TRPM2: variants seen among roughly 807,000 people sequenced by gnomAD.
TRPM2 encodes transient receptor potential cation channel subfamily M member 2.
Under a neutral mutation model 174.0 loss-of-function variants are expected in TRPM2, and 161 were observed. The observed-to-expected ratio is 0.93, with a 90% CI of 0.81 to 1.05. The LOEUF (loss-of-function observed/expected upper bound fraction) is 1.05, where lower values mean the gene tolerates loss of function less well. Ranked by LOEUF, TRPM2 falls within the 50% of genes least tolerant of loss-of-function variation. The pLI is 0.00. For synonymous variants in TRPM2, 954 were observed against 861.3 expected (o/e 1.11, Z -1.88); for missense variants, 2,057 against 2,038.0 (o/e 1.01, Z -0.18).
In TRPM2 at chr21:44,435,161, G is replaced by A. The variant is rs747333153; in HGVS notation, c.4005G>A (p.Gly1335=). Residue 1335 remains glycine (G), a synonymous_variant, in exon 28 of 32, where the codon GGG becomes GGA. Transcript: ENST00000397928. ...LNPMGRTGLR[G]RGSLSCFGPN... is the part of the protein sequence containing the mutation. ...CCATGGGCCGCACAGGACTGCGTGG[G>A]CGCGGGAGCCTCAGCTGCTTCGGAC... is the stretch of plus-strand genomic sequence containing the variant. The A allele has an allele frequency of 6.2e-7, 1 of 1,613,462 alleles. No individual in the cohort carries two copies. Among genetic ancestry groups the A allele is most frequent in the African/African-American group, 1.3e-5 (1 of 75,006 alleles).
chr21:44,381,980 AG>A (rs2048893769), intron 8 of TRPM2, among the ~76,000 whole-genome samples: 1 of 133,408 alleles, frequency 7.5e-6, no homozygotes, highest in Non-Finnish European at 1.7e-5. Context: ...ATAGATAGAT[AG>A]ATAGATAGAT....
At chr21:44,424,109 G>A (rs1224704842) in intron 23 of TRPM2, among the ~76,000 whole-genome samples, 2 of 152,086 alleles carry the variant, frequency 1.3e-5, no homozygotes, top group African/African-American at 2.4e-5. Context: ...CTCAGGGTCT[G>A]CTCCCACCAC....
At chr21:44,375,679 G>A (rs2048675845) in intron 5 of TRPM2, among the ~76,000 whole-genome samples, 154 bp from the exon 6 acceptor site, 1 of 152,142 alleles carries the variant, frequency 6.6e-6, no homozygotes, top group Admixed American at 6.5e-5. Flanking sequence ...CTCATGTTTC[G>A]ATCACATGTG....
intron 16 of TRPM2, 68 bp downstream of exon 16, chr21:44,401,965 A>G: frequency 1.9e-6 from 3 of 1,571,486 alleles, no homozygotes; most frequent in Non-Finnish European, 2.6e-6. Flanking sequence ...CTCATAGGGG[A>G]CCCATGGCTT....
In TRPM2 at chr21:44,369,300, C is replaced by T. The variant is rs775426958; in HGVS notation, c.728C>T (p.Thr243Ile). Residue 243 changes from threonine to isoleucine, a missense_variant, in exon 5 of 32, where the codon ACC (threonine) becomes ATC (isoleucine). Thr to Ile is a moderately conservative substitution (Grantham distance 89). Coordinates refer to ENST00000397928, the MANE Select transcript of TRPM2 (RefSeq NM_003307.4). ...GAGCTCATCACCATCGGAGTCGCCA[C>T]CTGGGGCACTGTCCACCGCCGCGAG... is the stretch of plus-strand genomic sequence containing the variant. ...EGELITIGVA[T>I]WGTVHRREGL... The T allele has an allele frequency of 1.9e-6, 3 of 1,613,670 alleles. No homozygotes were observed. Among genetic ancestry groups the T allele is most frequent in the East Asian group, 4.5e-5 (2 of 44,884 alleles).
At chr21:44,388,872 G>C (rs1602192509) in intron 9 of TRPM2, among the ~76,000 whole-genome samples, 1 of 152,128 alleles carries the variant, frequency 6.6e-6, no homozygotes, top group East Asian at 1.9e-4. Context: ...AGTTAAGATG[G>C]TAAATTTTAT....
intron 7 of TRPM2, among the ~76,000 whole-genome samples, chr21:44,378,345 G>A (rs2048768567): frequency 6.6e-6 from 1 of 152,244 alleles, no homozygotes; most frequent in Non-Finnish European, 1.5e-5. Context: ...TCTGGAGCAA[G>A]AGTATGGGCT....
intron 8 of TRPM2, among the ~76,000 whole-genome samples, chr21:44,382,022 G>T (rs2048896559): frequency 6.6e-6 from 1 of 151,920 alleles, no homozygotes; most frequent in Admixed American, 6.6e-5. Context: ...GTGGGTGGGA[G>T]GTAGATAGAA....
At chr21:44,373,338 C>G (rs1041548822) in intron 5 of TRPM2, among the ~76,000 whole-genome samples, 1 of 152,130 alleles carries the variant, frequency 6.6e-6, no homozygotes, top group Admixed American at 6.5e-5. Flanking sequence ...AGGCACCCAC[C>G]ACCATGCCCA....
At chr21:44,398,139 C>G (rs1211970436) in intron 13 of TRPM2, among the ~76,000 whole-genome samples, 1 of 152,028 alleles carries the variant, frequency 6.6e-6, no homozygotes, top group Non-Finnish European at 1.5e-5. Context: ...TTAATTCACA[C>G]AGAGCCGGCT....
chr21:44,354,211 T>TC lies in TRPM2; in HGVS notation c.165+350dup, dbSNP rs1439964933. 6.6e-6 allele frequency among the ~76,000 whole-genome samples: 1 copy of TC among 152,198 alleles called. No individual in the cohort carries two copies. The highest frequency in any genetic ancestry group is 1.5e-5 in the Non-Finnish European group (1 of 68,028). ...GGAGGGCCTGGGCCTGGGCTAGCTT[T>TC]CCCCAAAGCCCTGGATACAAAGACA... is the stretch of plus-strand genomic sequence containing the variant. On this transcript the variant is annotated intron_variant, in intron 1 of 31. Transcript: ENST00000397928. The surrounding 1 kb of genome is among the most constrained non-coding windows in gnomAD (Gnocchi z 4.3).
intron 19 of TRPM2, 89 bp downstream of exon 19, chr21:44,406,854 C>T (rs535207692): frequency 1.6e-4 from 240 of 1,487,954 alleles, no homozygotes; most frequent in Middle Eastern, 7.2e-4. Context: ...GGAGTGAGGC[C>T]GGCTCCATCA....
At chr21:44,378,573 C>T (rs1361699446) in intron 7 of TRPM2, among the ~76,000 whole-genome samples, 1 of 152,310 alleles carries the variant, frequency 6.6e-6, no homozygotes, top group East Asian at 1.9e-4. Flanking sequence ...CAGAGTCCTT[C>T]CTGCCAGACA....
chr21:44,364,480 G>T (rs779756599), intron 3 of TRPM2, among the ~76,000 whole-genome samples, 198 bp downstream of exon 3: 1 of 152,190 alleles, frequency 6.6e-6, no homozygotes, highest in Non-Finnish European at 1.5e-5. Context: ...CTCTCAGAGT[G>T]CTTGGCCATC....
At chr21:44,381,393 A>G (rs2048874315) in intron 8 of TRPM2, among the ~76,000 whole-genome samples, 2 of 151,368 alleles carry the variant, frequency 1.3e-5, no homozygotes, top group African/African-American at 2.4e-5. Context: ...GGATGGATGG[A>G]TGGATGGATG....
At chr21:44,389,737 T>C (rs925831628) in intron 9 of TRPM2, among the ~76,000 whole-genome samples, 8 of 152,194 alleles carry the variant, frequency 5.3e-5, no homozygotes, top group Non-Finnish European at 1.0e-4. Context: ...ATTTGATTGT[T>C]TGTCTTCCAG....
Position 44,439,220 on chromosome 21 carries a change from G to A in TRPM2, c.4269+52G>A. 1 of 1,539,186 alleles carries A rather than the reference G, an allele frequency of 6.5e-7. No homozygotes were observed. Among genetic ancestry groups the A allele is most frequent in the Non-Finnish European group, 9.0e-7 (1 of 1,115,574 alleles). On this transcript the variant is annotated intron_variant, in intron 30 of 31. Coordinates refer to ENST00000397928, the MANE Select transcript of TRPM2 (RefSeq NM_003307.4). The surrounding 1 kb of genome is among the most constrained non-coding windows in gnomAD (Gnocchi z 5.1). ...CACCTGTGTGTCCCCAGGGCTGCAG[G>A]ACAAACACAGTGTGATACTGGGGAC...
At chr21:44,357,113 T>G (rs186228326) in intron 2 of TRPM2, among the ~76,000 whole-genome samples, 5 of 152,232 alleles carry the variant, frequency 3.3e-5, no homozygotes, top group Admixed American at 1.3e-4. Flanking sequence ...GCCTTAACCG[T>G]CTGGGAAGGC....
At chr21:44,416,801 T>C in intron 20 of TRPM2, 1 of 170,374 alleles carries the variant, frequency 5.9e-6, no homozygotes, top group Non-Finnish European at 1.2e-5. Flanking sequence ...AGTGGGCACG[T>C]GGGCATGGCT....
Sources: gnomAD v4.1 joint callset for allele counts (sites outside exome capture counted in the v4.1 genomes callset) on GRCh38, gnomAD v4.1.1 for gene constraint, Gnocchi (gnomAD v3.1) non-coding constraint, MANE v1.5 for transcripts, NCBI Gene and HGNC (gene_info 2026-07-23, HGNC 2026-07-21) for gene names.